Variants in KIF5B observed in about 807,000 individuals in gnomAD.
KIF5B encodes the protein kinesin-1 heavy chain.
KIF5B carries 49 observed loss-of-function variants against 132.8 expected under a neutral mutation model. The ratio of observed to expected loss-of-function variants is 0.37; its 90% CI spans 0.29 to 0.47. The LOEUF is 0.47. Among genes scored for constraint, KIF5B ranks in the 20% least tolerant of loss-of-function variants. The pLI is 1.00. For missense variants in KIF5B, 780 were observed against 1,144.0 expected (o/e 0.68, Z 4.59); for synonymous variants, 355 against 369.4 (o/e 0.96, Z 0.45).
At chr10:32,028,631 T>TA in intron 14 of KIF5B, 60 bp from the exon 15 acceptor site, 1 of 1,412,852 alleles carries the variant, frequency 7.1e-7, no homozygotes, top group Non-Finnish European at 9.8e-7. Flanking sequence ...TCAAATCAAA[T>TA]ACTCATCGGT....
rs1841430623 is a variant in KIF5B at position 32,033,890 on chromosome 10, C to G, written c.1260G>C (p.Lys420Asn). Residue 420 changes from lysine to asparagine, a missense_variant, in exon 12 of 26, where the codon AAG (lysine) becomes AAC (asparagine). By Grantham distance (94) the Lys-to-Asn change is moderately conservative. Around this residue, in one of 9 missense-constraint regions of KIF5B, gnomAD observed 471 missense variants for 569.9 expected, o/e 0.83. Transcript: ENST00000302418. ...IGNFTDAERR[K>N]CEEEIAKLYK... ...ATAATTTAGCAATTTCTTCTTCACACTTTCTTCTTTCAGCATCAGTAAAAT... is the reference window on the plus strand; with the variant it reads ...ATAATTTAGCAATTTCTTCTTCACAGTTTCTTCTTTCAGCATCAGTAAAAT... 2 of 1,612,842 alleles carry G rather than the reference C, an allele frequency of 1.2e-6. No homozygotes were observed. Among genetic ancestry groups the G allele is most frequent in the Admixed American group, 1.7e-5 (1 of 59,786 alleles).
intron 13 of KIF5B, 84 bp from the exon 14 acceptor site, chr10:32,031,363 C>T (rs1592445927): frequency 9.9e-7 from 1 of 1,005,850 alleles, no homozygotes; most frequent in East Asian, 2.5e-5. Flanking sequence ...TTGTCAAGAA[C>T]AAATGGAGTG....
chr10:32,026,603 G>GA lies in KIF5B; in HGVS notation c.1725+1824dup, dbSNP rs934801995. ...ATTTTCAAACTGCTATGGTATAGTG[G>GA]AAAAAAAAATCTAGTAGTCATGGAA... On this transcript the variant is annotated intron_variant, in intron 15 of 25. Coordinates refer to ENST00000302418, the MANE Select transcript of KIF5B (RefSeq NM_004521.3). Among the ~76,000 whole-genome samples, 52 of 147,524 alleles carry GA rather than the reference G, an allele frequency of 3.5e-4. No homozygotes were observed. The South Asian group carries it at 0.011, about 30-fold the overall frequency.
At chr10:32,042,543 T>C (rs917191560) in intron 2 of KIF5B, among the ~76,000 whole-genome samples, 11 of 152,210 alleles carry the variant, frequency 7.2e-5, no homozygotes, top group Admixed American at 2.0e-4. Context: ...CTCACTAGCC[T>C]GTCAACTCAA....
intron 1 of KIF5B, among the ~76,000 whole-genome samples, chr10:32,055,286 G>A (rs1427857425): frequency 6.6e-6 from 1 of 152,080 alleles, no homozygotes; most frequent in Non-Finnish European, 1.5e-5. Context: ...GTGGGTGAAA[G>A]TTGGAGGTAT....
At chr10:32,055,747 C>A (rs1841753556) in intron 1 of KIF5B, 101 bp downstream of exon 1, 1 of 1,468,536 alleles carries the variant, frequency 6.8e-7, no homozygotes, top group Non-Finnish European at 9.1e-7. Context: ...GCTGGGGACA[C>A]CGCCGCTCCC....
chr10:32,043,686 G>A lies in KIF5B; in HGVS notation c.215-3229C>T, dbSNP rs539257938. Among the ~76,000 whole-genome samples, 5 of 152,244 alleles carry A rather than the reference G, an allele frequency of 3.3e-5. No homozygotes were observed. The South Asian group carries it at 1.0e-3, about 32-fold the overall frequency. ...ATTCAGAATTCAAGAGAATACAAGTGGATAAACCTTATTCAAAAGTAACAA... is the reference window on the plus strand; with the variant it reads ...ATTCAGAATTCAAGAGAATACAAGTAGATAAACCTTATTCAAAAGTAACAA... On this transcript the variant is annotated intron_variant, in intron 2 of 25. Coordinates refer to ENST00000302418, the MANE Select transcript of KIF5B (RefSeq NM_004521.3).
chr10:32,047,115 G>A (rs1841622104), intron 2 of KIF5B, among the ~76,000 whole-genome samples: 1 of 152,078 alleles, frequency 6.6e-6, no homozygotes, highest in African/African-American at 2.4e-5. Flanking sequence ...TATTTCTATT[G>A]AATGTGTATT....
At chr10:32,055,640 C>A (rs1251626463) in intron 1 of KIF5B, among the ~76,000 whole-genome samples, 1 of 152,140 alleles carries the variant, frequency 6.6e-6, no homozygotes, top group African/African-American at 2.4e-5. Context: ...CGTCTCCCGG[C>A]GCCGAAGACT....
In KIF5B at chr10:32,028,311, C is replaced by T. The variant is rs568622090; in HGVS notation, c.1725+117G>A. The T allele has an allele frequency of 6.3e-5, 51 of 807,404 alleles. No homozygotes were observed. The Admixed American group carries it at 1.1e-3, about 17-fold the overall frequency. 50.0% of individuals were successfully genotyped at this position (807,404 alleles called of 1,614,324 possible). ...AATGCGGTTAATAACATCTACTACA[C>T]GACTGTTTGTGAGGATGAGATCATG... is the stretch of plus-strand genomic sequence containing the variant. On this transcript the variant is annotated intron_variant, in intron 15 of 25. Coordinates refer to ENST00000302418, the MANE Select transcript of KIF5B (RefSeq NM_004521.3).
chr10:32,034,657 C>T (rs1472585714), intron 11 of KIF5B, 33 bp downstream of exon 11: 2 of 1,493,258 alleles, frequency 1.3e-6, no homozygotes, highest in South Asian at 2.8e-5. Context: ...CTGTATTTAA[C>T]AAACTGAAGA....
intron 4 of KIF5B, among the ~76,000 whole-genome samples, 196 bp from the exon 5 acceptor site, chr10:32,039,022 A>G (rs1841498518): frequency 6.6e-6 from 1 of 152,194 alleles, no homozygotes; most frequent in African/African-American, 2.4e-5. Flanking sequence ...TTGGACATAA[A>G]TTACATTATC....
chr10:32,015,764 T>C (rs1841150894), intron 24 of KIF5B, 105 bp from the exon 25 acceptor site: 12 of 949,550 alleles, frequency 1.3e-5, no homozygotes, highest in Non-Finnish European at 1.8e-5. Flanking sequence ...AAATGTTTTG[T>C]TTTTCTTTGC....
chr10:32,019,682 G>T (rs183306945), intron 20 of KIF5B, among the ~76,000 whole-genome samples, 176 bp downstream of exon 20: 2 of 152,212 alleles, frequency 1.3e-5, no homozygotes, highest in Non-Finnish European at 1.5e-5. Flanking sequence ...TCACTCAAAT[G>T]CAAGTATATA....
At chr10:32,028,632 A>G in intron 14 of KIF5B, 61 bp from the exon 15 acceptor site, 1 of 1,411,826 alleles carries the variant, frequency 7.1e-7, no homozygotes, top group Non-Finnish European at 9.8e-7. Context: ...CAAATCAAAT[A>G]CTCATCGGTG....
intron 1 of KIF5B, among the ~76,000 whole-genome samples, chr10:32,054,033 T>C (rs941134358): frequency 3.3e-5 from 5 of 152,266 alleles, no homozygotes; most frequent in Admixed American, 6.5e-5. Context: ...TAGTACATTT[T>C]ATGAATCCTA....
chr10:32,050,875 G>A (rs193215340), intron 1 of KIF5B, among the ~76,000 whole-genome samples: 25 of 152,276 alleles, frequency 1.6e-4, no homozygotes, highest in African/African-American at 5.5e-4. Flanking sequence ...GAAAACAAAC[G>A]TTAAGTACAA....
At chr10:32,028,952 T>A (rs967387689) in intron 14 of KIF5B, among the ~76,000 whole-genome samples, 1 of 152,348 alleles carries the variant, frequency 6.6e-6, no homozygotes, top group African/African-American at 2.4e-5. Flanking sequence ...AACGTTACAA[T>A]GACACTCTTT....
At chr10:32,023,986 A>G (rs565481398) in intron 15 of KIF5B, among the ~76,000 whole-genome samples, 154 of 151,252 alleles carry the variant, frequency 1.0e-3, no homozygotes, top group Non-Finnish European at 1.5e-3. Context: ...CTATTAATGT[A>G]AAACTTGGTA....
Sources: gnomAD v4.1 joint callset for allele counts (sites outside exome capture counted in the v4.1 genomes callset) on GRCh38, gnomAD v4.1.1 for gene constraint, gnomAD v4.1.1 regional missense constraint, MANE v1.5 for transcripts, NCBI Gene and HGNC (gene_info 2026-07-23, HGNC 2026-07-21) for gene names.